GSK3B: variants seen among roughly 807,000 people sequenced by gnomAD.
GSK3B encodes glycogen synthase kinase-3 beta.
Under a neutral mutation model 56.4 loss-of-function variants are expected in GSK3B, and 15 were observed. That is an observed-to-expected ratio of 0.27 (90% CI 0.18 to 0.41). The LOEUF is 0.41. Among genes scored for constraint, GSK3B ranks in the 10% least tolerant of loss-of-function variants. GSK3B has a pLI of 1.00. For synonymous variants in GSK3B, 181 were observed against 188.9 expected, an observed-to-expected ratio of 0.96 and a Z score of 0.34; for missense variants, 300 against 513.4, an observed-to-expected ratio of 0.58 and a Z score of 4.02.
At chr3:119,834,842 G>A (rs1472917549) in intron 10 of GSK3B, among the ~76,000 whole-genome samples, 2 of 152,142 alleles carry the variant, frequency 1.3e-5, no homozygotes, top group Non-Finnish European at 2.9e-5. Context: ...GACTTGATAG[G>A]AGAGAACATG....
intron 7 of GSK3B, among the ~76,000 whole-genome samples, chr3:119,891,702 T>C (rs1489179026): frequency 6.6e-6 from 1 of 152,134 alleles, no homozygotes; most frequent in East Asian, 1.9e-4. Context: ...CTTTTTTGAC[T>C]TAAAGGAAAT....
intron 3 of GSK3B, among the ~76,000 whole-genome samples, chr3:119,937,167 C>T (rs962887197): frequency 2.0e-5 from 3 of 152,058 alleles, no homozygotes; most frequent in Admixed American, 6.5e-5. Flanking sequence ...AGACAACACA[C>T]TTGCTATAGT....
chr3:120,034,040 A>G (rs6764558), intron 1 of GSK3B, among the ~76,000 whole-genome samples: 1 of 152,178 alleles, frequency 6.6e-6, no homozygotes, highest in Non-Finnish European at 1.5e-5. Context: ...AGATATACAT[A>G]GGTTCTGTCT....
At chr3:119,927,054 G>A (rs1344148964) in intron 3 of GSK3B, among the ~76,000 whole-genome samples, 2 of 152,102 alleles carry the variant, frequency 1.3e-5, no homozygotes, top group African/African-American at 2.4e-5. Context: ...TTTATTCACT[G>A]CTCTATCTCC....
rs778556474 is a variant in GSK3B at position 120,038,229 on chromosome 3, G to A, written c.89-35990C>T. ...CAAATTATTAATTACAACAATCTCA[G>A]GTTTCTTCTTCAATTTTAGTTATCA... On this transcript the variant is annotated intron_variant, in intron 1 of 10. Transcript: ENST00000264235. Among the ~76,000 whole-genome samples the A allele has an allele frequency of 2.0e-4, 31 of 152,108 alleles. 1 individual carries two copies. The highest frequency in any genetic ancestry group is 8.8e-5 in the Non-Finnish European group (6 of 68,018).
chr3:119,891,607 AT>A lies in GSK3B; in HGVS notation c.813+14147del, dbSNP rs1553729025. On this transcript the variant is annotated intron_variant, in intron 7 of 10. Transcript: ENST00000264235. Reference sequence around the variant, plus strand: ...TTCACTTGAATTTTAAGAGATGGAAATTTTTTTTCCTCCAAAACGTTTAGAC... The same window carrying A: ...TTCACTTGAATTTTAAGAGATGGAAATTTTTTTCCTCCAAAACGTTTAGAC... 1.1e-4 allele frequency among the ~76,000 whole-genome samples: 17 copies of A among 152,050 alleles called. No homozygotes were observed. The East Asian group carries it at 1.3e-3, about 12-fold the overall frequency.
rs560163237 is a variant in GSK3B at position 120,036,792 on chromosome 3, CAAAAAAAAAAA to C, written c.89-34564_89-34554del. ...TGGGCGACAGAGTAAGACTCCGACT[CAAAAAAAAAAA>C]AAAAAAAAAAGCAGATCTATGCCAT... On this transcript the variant is annotated intron_variant, in intron 1 of 10. Transcript: ENST00000264235. Among the ~76,000 whole-genome samples the C allele has an allele frequency of 1.7e-4, 11 of 64,326 alleles. No individual in the cohort carries two copies. The South Asian group carries it at 6.3e-3, about 37-fold the overall frequency. 42.2% of individuals were successfully genotyped at this position (64,326 alleles called of 152,430 possible). A position where few individuals can be genotyped will look rare whatever the true frequency, so the allele number is the denominator to read the frequency against.
At chr3:119,828,752 T>C (rs999343404) in intron 10 of GSK3B, among the ~76,000 whole-genome samples, 2 of 152,354 alleles carry the variant, frequency 1.3e-5, no homozygotes, top group African/African-American at 4.8e-5. Context: ...TACTTCCTAA[T>C]TTCCCGATAA....
intron 1 of GSK3B, among the ~76,000 whole-genome samples, chr3:120,090,753 C>G (rs1435911470): frequency 6.6e-6 from 1 of 152,178 alleles, no homozygotes; most frequent in African/African-American, 2.4e-5. Context: ...CAAAAATCAT[C>G]TTACGTCTTA....
chr3:120,084,817 C>G (rs1309883372), intron 1 of GSK3B, among the ~76,000 whole-genome samples: 1 of 152,144 alleles, frequency 6.6e-6, no homozygotes, highest in Non-Finnish European at 1.5e-5. Flanking sequence ...CACTTATTCT[C>G]CAACTAACTT....
At chr3:119,829,163 C>T (rs1424973218) in intron 10 of GSK3B, among the ~76,000 whole-genome samples, 2 of 152,152 alleles carry the variant, frequency 1.3e-5, no homozygotes, top group East Asian at 1.9e-4. Flanking sequence ...TTCTGTGCAT[C>T]AATAACCTAA....
At chr3:120,063,808 C>A (rs1267720252) in intron 1 of GSK3B, among the ~76,000 whole-genome samples, 2 of 149,158 alleles carry the variant, frequency 1.3e-5, no homozygotes, top group Non-Finnish European at 3.0e-5. Context: ...GTCAACGTGG[C>A]GAAACCCCAC....
intron 1 of GSK3B, among the ~76,000 whole-genome samples, chr3:120,016,086 C>T (rs1394536192): frequency 1.3e-5 from 2 of 152,136 alleles, no homozygotes; most frequent in Admixed American, 1.3e-4. Context: ...TTGGCAAAAA[C>T]TGGACAGGAG....
At chr3:120,036,750 G>A (rs189381755) in intron 1 of GSK3B, among the ~76,000 whole-genome samples, 18 of 125,956 alleles carry the variant, frequency 1.4e-4, no homozygotes, top group Admixed American at 2.9e-4. Context: ...CCAAGATCAC[G>A]CCACTGCACT....
chr3:120,066,213 C>T (rs2058277443), intron 1 of GSK3B, among the ~76,000 whole-genome samples: 1 of 152,142 alleles, frequency 6.6e-6, no homozygotes, highest in South Asian at 2.1e-4. Flanking sequence ...GAGCAACAAA[C>T]ACTCAAACTG....
intron 3 of GSK3B, among the ~76,000 whole-genome samples, chr3:119,926,536 T>C (rs150833117): frequency 1.5e-3 from 231 of 152,292 alleles, no homozygotes; most frequent in Middle Eastern, 3.4e-3. Flanking sequence ...TCTACCCTTA[T>C]TCCTTTCCAG....
intron 2 of GSK3B, among the ~76,000 whole-genome samples, chr3:119,974,176 GAA>G (rs2057391672): frequency 2.0e-5 from 3 of 152,280 alleles, no homozygotes; most frequent in Admixed American, 2.0e-4. Context: ...CACACTCTAG[GAA>G]AAGTCTTTGC....
rs1450298102 is a variant in GSK3B at position 120,093,971 on chromosome 3, G to T, written c.-537C>A. 6 of 212,068 alleles carry T rather than the reference G, an allele frequency of 2.8e-5. No homozygotes were observed. Among genetic ancestry groups the T allele is most frequent in the Non-Finnish European group, 5.8e-5 (6 of 103,536 alleles). 13.1% of individuals were successfully genotyped at this position (212,068 alleles called of 1,614,324 possible). On this transcript the variant is annotated 5_prime_UTR_variant, in exon 1 of 11. Transcript: ENST00000264235. The stretch of plus-strand genomic sequence containing the variant: ...ACGCTGCAGCTCCGGCAAGCCGCGG[G>T]ATCCGGCGGGCTGACGGCAGGGGCC...
At chr3:120,073,354 T>C (rs2058343510) in intron 1 of GSK3B, among the ~76,000 whole-genome samples, 1 of 151,392 alleles carries the variant, frequency 6.6e-6, no homozygotes. Context: ...ACCACAGCAC[T>C]TCAGCCTGGG....
Sources: gnomAD v4.1 joint callset for allele counts (sites outside exome capture counted in the v4.1 genomes callset) on GRCh38, gnomAD v4.1.1 for gene constraint, MANE v1.5 for transcripts, NCBI Gene and HGNC (gene_info 2026-07-23, HGNC 2026-07-21) for gene names.